Variants in RIT2 observed in about 807,000 individuals in gnomAD.
The protein encoded by RIT2 is Ras like without CAAX 2.
In RIT2, 24 loss-of-function variants were observed where a neutral mutation model predicts 23.7. The ratio of observed to expected loss-of-function variants is 1.01; its 90% CI spans 0.73 to 1.43. RIT2 has a LOEUF of 1.43. Ranked by LOEUF, RIT2 falls within the 40% of genes most tolerant of loss-of-function variation. The probability of loss-of-function intolerance (pLI) is 0.00; values close to 1 mark genes in which losing one functional copy is unlikely to be tolerated. For synonymous variants in RIT2, 107 were observed against 91.1 expected (o/e 1.17, Z -0.99); for missense variants, 236 against 266.9 (o/e 0.88, Z 0.81).
intron 1 of RIT2, among the ~76,000 whole-genome samples, chr18:43,083,361 C>G (rs894032885): frequency 1.3e-5 from 2 of 152,112 alleles, no homozygotes; most frequent in African/African-American, 4.8e-5. Context: ...ACTTTCTTCA[C>G]AGAATTAGAA....
At chr18:43,025,211 A>G (rs1183047876) in intron 2 of RIT2, among the ~76,000 whole-genome samples, 1 of 150,426 alleles carries the variant, frequency 6.6e-6, no homozygotes, top group Non-Finnish European at 1.5e-5. Flanking sequence ...TCTGTCTAAA[A>G]AAAACAAAAC....
At chr18:42,894,149 T>C (rs1468533689) in intron 4 of RIT2, among the ~76,000 whole-genome samples, 1 of 152,158 alleles carries the variant, frequency 6.6e-6, no homozygotes, top group Non-Finnish European at 1.5e-5. Context: ...ATATATCCTG[T>C]GGTGGCAATG....
At chr18:42,858,253 T>C (rs554500037) in intron 4 of RIT2, among the ~76,000 whole-genome samples, 1 of 152,122 alleles carries the variant, frequency 6.6e-6, no homozygotes, top group Non-Finnish European at 1.5e-5. Context: ...TATCAGGTGA[T>C]AATATATGAA....
At chr18:42,818,431 T>C (rs1048138164) in intron 4 of RIT2, among the ~76,000 whole-genome samples, 2 of 152,110 alleles carry the variant, frequency 1.3e-5, no homozygotes, top group Non-Finnish European at 2.9e-5. Flanking sequence ...AATTAGAACC[T>C]TAAATGATAG....
intron 1 of RIT2, among the ~76,000 whole-genome samples, chr18:43,044,170 G>T (rs1214297441): frequency 1.3e-5 from 2 of 152,172 alleles, no homozygotes; most frequent in Non-Finnish European, 2.9e-5. Flanking sequence ...GTTTGGTAAA[G>T]ATCTCCTAAT....
chr18:42,744,130 C>T (rs1912863518), intron 4 of RIT2, among the ~76,000 whole-genome samples: 1 of 152,016 alleles, frequency 6.6e-6, no homozygotes, highest in Non-Finnish European at 1.5e-5. Context: ...AGAGAACAAA[C>T]CCCCTTTGAC....
chr18:42,876,991 T>C (rs983005938), intron 4 of RIT2, among the ~76,000 whole-genome samples: 63 of 152,052 alleles, frequency 4.1e-4, no homozygotes, highest in African/African-American at 1.4e-3. Context: ...GACTACTCCC[T>C]GTACTAAAGA....
chr18:42,965,973 C>T (rs553391506), intron 3 of RIT2, among the ~76,000 whole-genome samples: 82 of 152,052 alleles, frequency 5.4e-4, no homozygotes, highest in Non-Finnish European at 9.7e-4. Context: ...GAGCATAATG[C>T]TAGGATCACT....
intron 4 of RIT2, among the ~76,000 whole-genome samples, chr18:42,789,494 T>C (rs1047543902): frequency 2.6e-5 from 4 of 152,350 alleles, no homozygotes; most frequent in South Asian, 2.1e-4. Flanking sequence ...GTTTGTGTTA[T>C]CTACTATTTA....
intron 4 of RIT2, among the ~76,000 whole-genome samples, chr18:42,810,205 G>T (rs1348059975): frequency 1.3e-5 from 2 of 151,070 alleles, no homozygotes; most frequent in African/African-American, 2.4e-5. Flanking sequence ...TTTTAATGAG[G>T]TGTTTTGGGG....
chr18:42,950,941 A>G (rs1340875922), intron 3 of RIT2, among the ~76,000 whole-genome samples: 12 of 152,020 alleles, frequency 7.9e-5, no homozygotes, highest in African/African-American at 2.2e-4. Context: ...GACTGCAGAG[A>G]AAGGGGAAGA....
rs529210600 is a variant in RIT2, at chr18:42,828,506, C to A, written c.427-84786G>T. On this transcript the variant is annotated intron_variant, in intron 4 of 4. Coordinates refer to ENST00000326695, the MANE Select transcript of RIT2 (RefSeq NM_002930.4). ...TGGTTTTAGAATAGGTGGCATGTAG[C>A]CCTTCATTTTTGTAGAAAATAATTA... Among the ~76,000 whole-genome samples the A allele has an allele frequency of 7.2e-5, 11 of 152,284 alleles. No individual in the cohort carries two copies. In the South Asian group the frequency reaches 2.3e-3, roughly 32 times the overall value.
chr18:42,795,381 C>T (rs571991054), intron 4 of RIT2, among the ~76,000 whole-genome samples: 16 of 152,326 alleles, frequency 1.1e-4, no homozygotes, highest in Middle Eastern at 3.4e-3. Context: ...CCCGGGCCAG[C>T]GGCTGTGGAG....
chr18:42,753,360 C>T (rs1363878694), intron 4 of RIT2, among the ~76,000 whole-genome samples: 1 of 152,102 alleles, frequency 6.6e-6, no homozygotes, highest in Non-Finnish European at 1.5e-5. Context: ...TAATTCCTAG[C>T]AACACAAAAG....
intron 2 of RIT2, among the ~76,000 whole-genome samples, chr18:43,020,352 G>T (rs1911567920): frequency 6.6e-6 from 1 of 152,036 alleles, no homozygotes; most frequent in Non-Finnish European, 1.5e-5. Flanking sequence ...AGGCATGGTA[G>T]CTCATGCCTG....
chr18:43,035,141 C>T (rs766345460), intron 1 of RIT2, among the ~76,000 whole-genome samples: 2 of 152,154 alleles, frequency 1.3e-5, no homozygotes, highest in Non-Finnish European at 1.5e-5. Context: ...ATGTGGAATG[C>T]GCTAGTCTGA....
chr18:42,795,113 C>T (rs907556132), intron 4 of RIT2, among the ~76,000 whole-genome samples: 3 of 152,232 alleles, frequency 2.0e-5, no homozygotes, highest in South Asian at 2.1e-4. Flanking sequence ...CGCTCGCTCT[C>T]GGCACCTCCT....
chr18:42,804,598 A>T (rs991118382), intron 4 of RIT2, among the ~76,000 whole-genome samples: 13 of 150,080 alleles, frequency 8.7e-5, no homozygotes, highest in African/African-American at 3.3e-4. Flanking sequence ...TGAAAAAAAA[A>T]GAAATTAAAG....
chr18:42,997,551 A>T (rs1911013943), intron 2 of RIT2, among the ~76,000 whole-genome samples: 1 of 152,014 alleles, frequency 6.6e-6, no homozygotes, highest in Non-Finnish European at 1.5e-5. Flanking sequence ...CTTGTTTCAT[A>T]TTTTAATGCC....
Sources: gnomAD v4.1 joint callset for allele counts (sites outside exome capture counted in the v4.1 genomes callset) on GRCh38, gnomAD v4.1.1 for gene constraint, MANE v1.5 for transcripts, NCBI Gene and HGNC (gene_info 2026-07-23, HGNC 2026-07-21) for gene names.